ITFG1: variants seen among roughly 807,000 people sequenced by gnomAD.
The protein encoded by ITFG1 is T-cell immunomodulatory protein.
Under a neutral mutation model 81.8 loss-of-function variants are expected in ITFG1, and 34 were observed. The observed-to-expected ratio is 0.42, with a 90% CI of 0.32 to 0.55. The LOEUF (loss-of-function observed/expected upper bound fraction) is 0.55, where lower values mean the gene tolerates loss of function less well. Ranked by LOEUF, ITFG1 falls within the 20% of genes least tolerant of loss-of-function variation. The pLI is 0.17. For synonymous variants in ITFG1, 285 were observed against 270.6 expected (o/e 1.05, Z -0.52); for missense variants, 672 against 755.4 (o/e 0.89, Z 1.29).
At chr16:47,239,635 T>C (rs965209813) in intron 12 of ITFG1, among the ~76,000 whole-genome samples, 2 of 152,194 alleles carry the variant, frequency 1.3e-5, no homozygotes, top group Non-Finnish European at 2.9e-5. Flanking sequence ...AATATTTACA[T>C]TAAATACAAC....
At chr16:47,185,443 C>T (rs898333542) in intron 14 of ITFG1, among the ~76,000 whole-genome samples, 2 of 152,190 alleles carry the variant, frequency 1.3e-5, no homozygotes, top group Non-Finnish European at 2.9e-5. Flanking sequence ...AACTAGAACT[C>T]AGGATTAAGA....
chr16:47,155,528 A>C lies in ITFG1; in HGVS notation c.*191T>G, dbSNP rs1314041463. ...TACAGAATAGAGAACCCAAATTTTT[A>C]TATACAAAGTGCTTTAAAAAAAAAG... On this transcript the variant is annotated 3_prime_UTR_variant, in exon 18 of 18. Transcript: ENST00000320640. 4.6e-6 allele frequency: 2 copies of C among 439,104 alleles called. No homozygotes were observed. Among genetic ancestry groups the C allele is most frequent in the African/African-American group, 4.1e-5 (2 of 48,788 alleles). 27.2% of individuals were successfully genotyped at this position (439,104 alleles called of 1,614,324 possible).
chr16:47,209,482 A>G lies in ITFG1; in HGVS notation c.1453+9386T>C, dbSNP rs955582595. Among the ~76,000 whole-genome samples, 5 of 152,200 alleles carry G rather than the reference A, an allele frequency of 3.3e-5. No individual in the cohort carries two copies. The South Asian group carries it at 1.0e-3, about 31-fold the overall frequency. ...AGATCTTACAGTGATTTTTAAACTAAACTTTTTATTTTGAGATAATTTTAG... is the reference window on the plus strand; with the variant it reads ...AGATCTTACAGTGATTTTTAAACTAGACTTTTTATTTTGAGATAATTTTAG... On this transcript the variant is annotated intron_variant, in intron 14 of 17. Transcript: ENST00000320640.
chr16:47,179,020 C>T (rs1299755919), intron 14 of ITFG1, among the ~76,000 whole-genome samples: 1 of 152,152 alleles, frequency 6.6e-6, no homozygotes, highest in African/African-American at 2.4e-5. Context: ...ATCAAAACCA[C>T]AATGAGATAC....
rs1966201965 is a variant in ITFG1, at chr16:47,260,798, G to T, written c.1071-103C>A. ...AAAAGGAGACGGTAAACGGTACACA[G>T]TGAAATTACACGAAAAAATCTCCAC... On this transcript the variant is annotated intron_variant, in intron 10 of 17. Transcript: ENST00000320640. 11 of 1,186,748 alleles carry T rather than the reference G, an allele frequency of 9.3e-6. 1 individual carries two copies. In the South Asian group the frequency reaches 1.7e-4, roughly 19 times the overall value. The allele number at this position is 1,186,748 out of a possible 1,614,324, so 73.5% of individuals were successfully genotyped here.
intron 10 of ITFG1, among the ~76,000 whole-genome samples, chr16:47,285,710 T>C (rs1966867084): frequency 6.6e-6 from 1 of 152,212 alleles, no homozygotes; most frequent in African/African-American, 2.4e-5. Context: ...TTAGTAACTA[T>C]TGTGGTGTGA....
At chr16:47,319,298 G>C (rs904817509) in intron 8 of ITFG1, among the ~76,000 whole-genome samples, 1 of 152,182 alleles carries the variant, frequency 6.6e-6, no homozygotes, top group Non-Finnish European at 1.5e-5. Flanking sequence ...ATTTTTGCTT[G>C]AAAGCTCAAA....
chr16:47,405,602 C>T (rs1367719841), intron 6 of ITFG1, among the ~76,000 whole-genome samples: 4 of 152,162 alleles, frequency 2.6e-5, no homozygotes, highest in Non-Finnish European at 5.9e-5. Flanking sequence ...CATGGAGAAG[C>T]TGCTGAACCT....
chr16:47,350,715 GAGGCCA>G (rs1317476973), intron 8 of ITFG1, among the ~76,000 whole-genome samples: 1 of 152,128 alleles, frequency 6.6e-6, no homozygotes, highest in Non-Finnish European at 1.5e-5. Flanking sequence ...CTCATTTTAT[GAGGCCA>G]GCATCATCCT....
intron 10 of ITFG1, among the ~76,000 whole-genome samples, chr16:47,296,594 T>C (rs1431479382): frequency 6.6e-6 from 1 of 151,998 alleles, no homozygotes; most frequent in East Asian, 1.9e-4. Flanking sequence ...CGCCATCACG[T>C]CCAGTTAATT....
At chr16:47,166,840 A>G (rs1013273924) in intron 14 of ITFG1, among the ~76,000 whole-genome samples, 2 of 152,190 alleles carry the variant, frequency 1.3e-5, no homozygotes, top group Non-Finnish European at 2.9e-5. Context: ...AAGAGTAGTA[A>G]GTTTAGAACT....
rs185623199 is a variant in ITFG1 at position 47,196,096 on chromosome 16, G to A, written c.1453+22772C>T. ...CATGCTTTCTGAGAAGAAGGTAGCT[G>A]TAATTCTAATCTTGTTCTGCTATAG... is the stretch of plus-strand genomic sequence containing the variant. On this transcript the variant is annotated intron_variant, in intron 14 of 17. Coordinates refer to ENST00000320640, the MANE Select transcript of ITFG1 (RefSeq NM_030790.5). Among the ~76,000 whole-genome samples, 939 of 151,998 alleles carry A rather than the reference G, an allele frequency of 6.2e-3. 38 individuals are homozygous for A. Among genetic ancestry groups the A allele is most frequent in the Admixed American group, 0.057 (876 of 15,286 alleles).
chr16:47,459,064 T>C (rs1401095005), intron 2 of ITFG1, 39 bp downstream of exon 2: 7 of 1,216,430 alleles, frequency 5.8e-6, no homozygotes, highest in Non-Finnish European at 8.5e-6. Flanking sequence ...ATTATATTAA[T>C]GACTAAAGTT....
intron 10 of ITFG1, among the ~76,000 whole-genome samples, chr16:47,288,727 C>T (rs572996338): frequency 9.2e-5 from 14 of 152,046 alleles, no homozygotes; most frequent in Non-Finnish European, 1.5e-4. Flanking sequence ...GGTGAAACCC[C>T]GTCTCCACCA....
intron 6 of ITFG1, among the ~76,000 whole-genome samples, chr16:47,408,914 A>C (rs1000375111): frequency 6.6e-6 from 1 of 152,180 alleles, no homozygotes; most frequent in African/African-American, 2.4e-5. Context: ...ACCATATTAA[A>C]AATTAAAAGA....
intron 6 of ITFG1, among the ~76,000 whole-genome samples, chr16:47,412,800 C>T (rs1413190674): frequency 6.6e-6 from 1 of 151,618 alleles, no homozygotes; most frequent in Non-Finnish European, 1.5e-5. Flanking sequence ...TTCAAATCAA[C>T]TCTGCCAGAC....
At chr16:47,256,188 C>T (rs1216389426) in intron 12 of ITFG1, among the ~76,000 whole-genome samples, 10 of 152,130 alleles carry the variant, frequency 6.6e-5, no homozygotes, top group African/African-American at 2.4e-4. Flanking sequence ...TGGTCTTCAA[C>T]TCCTGACTTC....
chr16:47,156,628 A>G (rs1037272268), intron 17 of ITFG1, among the ~76,000 whole-genome samples: 1 of 152,218 alleles, frequency 6.6e-6, no homozygotes, highest in Non-Finnish European at 1.5e-5. Context: ...AAATGTTACC[A>G]AGTCTAAGAG....
chr16:47,377,108 T>A (rs1968336581), intron 6 of ITFG1, among the ~76,000 whole-genome samples: 1 of 151,914 alleles, frequency 6.6e-6, no homozygotes, highest in Non-Finnish European at 1.5e-5. Context: ...TGTAAGGGTG[T>A]CATATGAATT....
Sources: gnomAD v4.1 joint callset for allele counts (sites outside exome capture counted in the v4.1 genomes callset) on GRCh38, gnomAD v4.1.1 for gene constraint, MANE v1.5 for transcripts, NCBI Gene and HGNC (gene_info 2026-07-23, HGNC 2026-07-21) for gene names.